The following PLAAT3 variants were observed in gnomAD, a reference collection of about 807,000 sequenced individuals.
The protein encoded by PLAAT3 is Ca-independent phospholipase A1/2.
PLAAT3 carries 21 observed loss-of-function variants against 16.7 expected under a neutral mutation model. That is an observed-to-expected ratio of 1.26 (90% CI 0.89 to 1.81). The LOEUF (loss-of-function observed/expected upper bound fraction) is 1.81. Ranked by LOEUF, PLAAT3 falls within the 40% of genes most tolerant of loss-of-function variation. PLAAT3 has a pLI of 0.00. For synonymous variants in PLAAT3, 76 were observed against 81.7 expected, an observed-to-expected ratio of 0.93 and a Z score of 0.38; for missense variants, 219 against 213.7, an observed-to-expected ratio of 1.02 and a Z score of -0.16.
chr11:63,603,172 C>T (rs143801595), intron 2 of PLAAT3, among the ~76,000 whole-genome samples: 1 of 152,150 alleles, frequency 6.6e-6, no homozygotes. Flanking sequence ...GTAAAAGAAC[C>T]TACATTGATT....
At chr11:63,610,547 G>A (rs989276551) in intron 2 of PLAAT3, among the ~76,000 whole-genome samples, 9 of 152,212 alleles carry the variant, frequency 5.9e-5, no homozygotes, top group African/African-American at 1.4e-4. Flanking sequence ...GCTGAATAGG[G>A]ATGAAACCCT....
chr11:63,615,999 C>T (rs1052021402), upstream of PLAAT3, among the ~76,000 whole-genome samples: 3 of 152,030 alleles, frequency 2.0e-5, no homozygotes, highest in East Asian at 5.8e-4. Flanking sequence ...AAAATTGCCA[C>T]GTATTTGTCA....
intron 4 of PLAAT3, among the ~76,000 whole-genome samples, chr11:63,586,889 GC>G (rs1165545063): frequency 2.6e-5 from 4 of 152,172 alleles, no homozygotes; most frequent in Non-Finnish European, 5.9e-5. Flanking sequence ...TTCCAGACCA[GC>G]CTGGCCGATA....
intron 4 of PLAAT3, among the ~76,000 whole-genome samples, chr11:63,579,972 C>T (rs1246215370): frequency 6.6e-6 from 1 of 150,968 alleles, no homozygotes; most frequent in Admixed American, 6.6e-5. Context: ...GACAAAGTAT[C>T]AAATCAAGTG....
At chr11:63,615,038 ATATG>A (rs1298558230), upstream of PLAAT3, among the ~76,000 whole-genome samples, 3 of 24,090 alleles carry the variant, frequency 1.2e-4, 1 homozygote, top group Admixed American at 1.7e-3. Flanking sequence ...GTGTGTATAT[ATATG>A]TATATATATG....
In PLAAT3 at chr11:63,596,529, C is replaced by T. The variant is rs537790631; in HGVS notation, c.118+1532G>A. On this transcript the variant is annotated intron_variant, in intron 3 of 4. Coordinates refer to ENST00000415826, the MANE Select transcript of PLAAT3 (RefSeq NM_001128203.2). The stretch of plus-strand genomic sequence containing the variant: ...TATAATGAAATAATCATACAACTGA[C>T]GATAATGCAGAATCAGTAGGAGCCC... 7.3e-5 allele frequency among the ~76,000 whole-genome samples: 11 copies of T among 151,696 alleles called. No individual in the cohort carries two copies. The South Asian group carries it at 1.3e-3, about 17-fold the overall frequency.
intron 2 of PLAAT3, among the ~76,000 whole-genome samples, chr11:63,602,304 G>C (rs957757726): frequency 6.6e-6 from 1 of 150,614 alleles, no homozygotes; most frequent in East Asian, 1.9e-4. Flanking sequence ...AAAAAATGAT[G>C]ATTAAAGGGA....
At chr11:63,576,028 T>C (rs1320621690) in intron 4 of PLAAT3, among the ~76,000 whole-genome samples, 5 of 152,032 alleles carry the variant, frequency 3.3e-5, no homozygotes, top group Non-Finnish European at 5.9e-5. Context: ...AAACAAGGGA[T>C]TGAGAGATTG....
At chr11:63,599,201 G>A (rs905671332) in intron 2 of PLAAT3, among the ~76,000 whole-genome samples, 2 of 152,192 alleles carry the variant, frequency 1.3e-5, no homozygotes, top group Non-Finnish European at 2.9e-5. Flanking sequence ...AACACCTAGA[G>A]ACAGAGCCCA....
At chr11:63,593,110 G>T (rs1413016689) in intron 3 of PLAAT3, among the ~76,000 whole-genome samples, 1 of 152,160 alleles carries the variant, frequency 6.6e-6, no homozygotes, top group Non-Finnish European at 1.5e-5. Flanking sequence ...CTGGGTGCCG[G>T]GCCTTGTCCA....
At chr11:63,609,573 C>T (rs1046193200) in intron 2 of PLAAT3, among the ~76,000 whole-genome samples, 1 of 152,230 alleles carries the variant, frequency 6.6e-6, no homozygotes, top group African/African-American at 2.4e-5. Context: ...GTTGAGACCC[C>T]ATGCCGCACG....
intron 4 of PLAAT3, among the ~76,000 whole-genome samples, chr11:63,588,035 G>T (rs552836623): frequency 6.6e-6 from 1 of 151,980 alleles, no homozygotes; most frequent in Non-Finnish European, 1.5e-5. Flanking sequence ...GCAACAGAGT[G>T]AGACCTCATC....
rs549882106 is a variant in PLAAT3, at chr11:63,605,709, T to C, written c.16-7546A>G. On this transcript the variant is annotated intron_variant, in intron 2 of 4. Coordinates refer to ENST00000415826, the MANE Select transcript of PLAAT3 (RefSeq NM_001128203.2). The stretch of plus-strand genomic sequence containing the variant: ...CTGGGACTACAGGCGCCCGCCACCA[T>C]GCCGGGCTAATTTTTTGTATTTTTA... Among the ~76,000 whole-genome samples, 1,401 of 151,930 alleles carry C rather than the reference T, an allele frequency of 9.2e-3. 14 individuals are homozygous for C. Among genetic ancestry groups the C allele is most frequent in the Middle Eastern group, 0.088 (26 of 294 alleles).
chr11:63,603,737 CACACACACACACACACAG>C lies in PLAAT3; in HGVS notation c.16-5592_16-5575del, dbSNP rs1207957505. 9.8e-3 allele frequency among the ~76,000 whole-genome samples: 1,405 copies of C among 143,780 alleles called. 34 individuals are homozygous for C. The highest frequency in any genetic ancestry group is 0.034 in the African/African-American group (1,283 of 38,214). The allele number at this position is 143,780 out of a possible 152,430, so 94.3% of individuals were successfully genotyped here. A position where few individuals can be genotyped will look rare whatever the true frequency, so the allele number is the denominator to read the frequency against. On this transcript the variant is annotated intron_variant, in intron 2 of 4. Transcript: ENST00000415826. ...ACACACACACACACACACACACACA[CACACACACACACACACAG>C]ACAGAGATATTAGAGAGAGTAAGGT...
At chr11:63,603,743 CACACACACACA>C (rs1565255495) in intron 2 of PLAAT3, among the ~76,000 whole-genome samples, 2 of 131,714 alleles carry the variant, frequency 1.5e-5, no homozygotes, top group East Asian at 2.1e-4. Context: ...CACACACACA[CACACACACACA>C]GACAGAGATA....
At chr11:63,602,789 G>A (rs919325743) in intron 2 of PLAAT3, among the ~76,000 whole-genome samples, 13 of 152,068 alleles carry the variant, frequency 8.5e-5, no homozygotes, top group African/African-American at 2.4e-4. Context: ...TAGCCTGCAA[G>A]ATCTAAAATG....
intron 2 of PLAAT3, among the ~76,000 whole-genome samples, chr11:63,612,468 T>G (rs1393816354): frequency 6.6e-6 from 1 of 152,238 alleles, no homozygotes; most frequent in Non-Finnish European, 1.5e-5. Flanking sequence ...AGGCTTTTCC[T>G]TTGTCTCTCT....
At chr11:63,581,283 T>G (rs1007257244) in intron 4 of PLAAT3, among the ~76,000 whole-genome samples, 3 of 152,198 alleles carry the variant, frequency 2.0e-5, no homozygotes, top group African/African-American at 7.2e-5. Context: ...TTTTTCTTCT[T>G]GCAGAAAGCC....
At chr11:63,601,949 C>T (rs1381042245) in intron 2 of PLAAT3, among the ~76,000 whole-genome samples, 4 of 134,988 alleles carry the variant, frequency 3.0e-5, no homozygotes, top group Non-Finnish European at 3.1e-5. Context: ...CATTGCATTC[C>T]AGCCTGGGTG....
Sources: gnomAD v4.1 joint callset for allele counts (sites outside exome capture counted in the v4.1 genomes callset) on GRCh38, gnomAD v4.1.1 for gene constraint, MANE v1.5 for transcripts, NCBI Gene and HGNC (gene_info 2026-07-23, HGNC 2026-07-21) for gene names.